ETV5: variants seen among roughly 807,000 people sequenced by gnomAD.
The protein encoded by ETV5 is ETS translocation variant 5.
ETV5 carries 10 observed loss-of-function variants against 70.0 expected under a neutral mutation model. That is an observed-to-expected ratio of 0.14 (90% CI 0.09 to 0.24). The LOEUF (loss-of-function observed/expected upper bound fraction) is 0.24, where lower values mean the gene tolerates loss of function less well. Ranked by LOEUF, ETV5 falls within the 10% of genes least tolerant of loss-of-function variation. The pLI is 1.00. For missense variants in ETV5, 453 were observed against 651.2 expected, an observed-to-expected ratio of 0.70 and a Z score of 3.31; for synonymous variants, 216 against 242.2, an observed-to-expected ratio of 0.89 and a Z score of 1.01.
rs1713049923 is a variant in ETV5, at chr3:186,052,237, T to A, written c.1210-106A>T. The A allele has an allele frequency of 1.0e-6, 1 of 995,176 alleles. No individual in the cohort carries two copies. The highest frequency in any genetic ancestry group is 1.3e-5 in the South Asian group (1 of 74,642). 61.6% of individuals were successfully genotyped at this position (995,176 alleles called of 1,614,324 possible). On this transcript the variant is annotated intron_variant, in intron 11 of 12. Coordinates refer to ENST00000306376, the MANE Select transcript of ETV5 (RefSeq NM_004454.3). The surrounding 1 kb of genome is among the most constrained non-coding windows in gnomAD (Gnocchi z 4.5). ...TCTGTAACCTGACTGCTTTGGTCAATGATCTGCTACTCTGACCTGGAAGGG... is the reference window on the plus strand; with the variant it reads ...TCTGTAACCTGACTGCTTTGGTCAAAGATCTGCTACTCTGACCTGGAAGGG...
chr3:186,053,626 C>T (rs976863873), intron 11 of ETV5, among the ~76,000 whole-genome samples: 8 of 152,252 alleles, frequency 5.3e-5, no homozygotes, highest in Middle Eastern at 3.4e-3. Flanking sequence ...TTGCAAGAAA[C>T]CCTGTGAAAG....
rs900462468 is a variant in ETV5, at chr3:186,109,044, C to A, written c.-179G>T. 6.6e-6 allele frequency: 1 copy of A among 152,598 alleles called. No individual in the cohort carries two copies. The highest frequency in any genetic ancestry group is 6.5e-5 in the Admixed American group (1 of 15,286). 9.5% of individuals were successfully genotyped at this position (152,598 alleles called of 1,614,324 possible). ...GCCTGGGCGAAAGGCTGGGCCGAAC[C>A]GCTCCGAAGACGGTGAACCGCTCCG... On this transcript the variant is annotated 5_prime_UTR_variant, in exon 1 of 13. Coordinates refer to ENST00000306376, the MANE Select transcript of ETV5 (RefSeq NM_004454.3).
intron 8 of ETV5, 199 bp from the exon 9 acceptor site, chr3:186,064,675 G>C (rs547173665): frequency 5.3e-6 from 3 of 568,192 alleles, no homozygotes; most frequent in Non-Finnish European, 9.4e-6. Context: ...TGAAAGGCAG[G>C]CTCTCCTAAT....
chr3:186,104,742 C>CTTT (rs869046424), intron 5 of ETV5, among the ~76,000 whole-genome samples: 20 of 136,774 alleles, frequency 1.5e-4, no homozygotes, highest in African/African-American at 4.9e-4. Context: ...TTGCAATATT[C>CTTT]TTTTTTTTTT....
At chr3:186,053,544 A>G (rs1713085304) in intron 11 of ETV5, among the ~76,000 whole-genome samples, 1 of 152,254 alleles carries the variant, frequency 6.6e-6, no homozygotes, top group South Asian at 2.1e-4. Flanking sequence ...ATGACCTTTC[A>G]TAAAAGCCAA....
intron 9 of ETV5, among the ~76,000 whole-genome samples, chr3:186,063,284 C>A (rs1458684414): frequency 5.3e-5 from 8 of 151,848 alleles, no homozygotes; most frequent in Admixed American, 6.6e-5. Flanking sequence ...ACAACAACAA[C>A]AAAAAAAGAT....
chr3:186,064,323 A>C (rs572163804), intron 9 of ETV5, 94 bp downstream of exon 9: 3 of 1,185,148 alleles, frequency 2.5e-6, no homozygotes, highest in Non-Finnish European at 3.8e-6. Flanking sequence ...AAGAAAGAGG[A>C]AGGAAGGAAG....
intron 5 of ETV5, among the ~76,000 whole-genome samples, chr3:186,087,261 T>C (rs536704534): frequency 7.9e-5 from 12 of 152,292 alleles, no homozygotes; most frequent in Admixed American, 2.6e-4. Flanking sequence ...GTACATGCCA[T>C]GTAAGTCCAT....
At chr3:186,096,434 G>T (rs1029660226) in intron 5 of ETV5, among the ~76,000 whole-genome samples, 1 of 152,174 alleles carries the variant, frequency 6.6e-6, no homozygotes, top group African/African-American at 2.4e-5. Flanking sequence ...GCACTCAGCT[G>T]AAAGTGTTTA....
At chr3:186,067,929 GA>G (rs1212068902) in intron 7 of ETV5, among the ~76,000 whole-genome samples, 6 of 152,076 alleles carry the variant, frequency 3.9e-5, no homozygotes, top group Admixed American at 1.3e-4. Flanking sequence ...ATTAACAAAA[GA>G]TGAATATCTC....
chr3:186,081,235 A>G (rs112478597), intron 5 of ETV5, 60 bp from the exon 6 acceptor site: 214 of 1,512,094 alleles, frequency 1.4e-4, no homozygotes, highest in Admixed American at 2.2e-4. Context: ...AACAGGGAGC[A>G]CAATGCTTCC....
intron 5 of ETV5, among the ~76,000 whole-genome samples, chr3:186,087,316 A>C (rs1315418482): frequency 6.6e-6 from 1 of 152,222 alleles, no homozygotes; most frequent in Non-Finnish European, 1.5e-5. Context: ...ATGGTGTTTG[A>C]AAGTCAGGAG....
In ETV5 at chr3:186,109,012, C is replaced by A. The variant is rs1714672337; in HGVS notation, c.-147G>T. The A allele has an allele frequency of 6.5e-6, 1 of 153,502 alleles. No individual in the cohort carries two copies. The highest frequency in any genetic ancestry group is 1.9e-4 in the East Asian group (1 of 5,178). 9.5% of individuals were successfully genotyped at this position (153,502 alleles called of 1,614,324 possible). A position where few individuals can be genotyped will look rare whatever the true frequency, so the allele number is the denominator to read the frequency against. On this transcript the variant is annotated 5_prime_UTR_variant, in exon 1 of 13. Coordinates refer to ENST00000306376, the MANE Select transcript of ETV5 (RefSeq NM_004454.3). ...CGCGCTCACGCACGCGCGCAGCGGGCCTGGGCGCCTGGGCGAAAGGCTGGG... is the reference window on the plus strand; with the variant it reads ...CGCGCTCACGCACGCGCGCAGCGGGACTGGGCGCCTGGGCGAAAGGCTGGG...
chr3:186,066,495 T>C (rs1713449702), intron 7 of ETV5, among the ~76,000 whole-genome samples: 1 of 151,976 alleles, frequency 6.6e-6, no homozygotes, highest in African/African-American at 2.4e-5. Context: ...ATTAACCAGT[T>C]AGAAAATGTA....
Position 186,054,478 on chromosome 3 carries a change from A to T in ETV5, c.1210-2347T>A, listed in dbSNP as rs562935906. Among the ~76,000 whole-genome samples, 98 of 152,274 alleles carry T rather than the reference A, an allele frequency of 6.4e-4. 1 individual carries two copies. The highest frequency in any genetic ancestry group is 2.3e-3 in the African/African-American group (94 of 41,574). ...TACCCCCCAAAATATTCATTAATGC[A>T]GATTCACAGTTAAAATGGCTCCAGA... is the stretch of plus-strand genomic sequence containing the variant. On this transcript the variant is annotated intron_variant, in intron 11 of 12. Transcript: ENST00000306376. This position sits in a 1 kb window ranked among gnomAD's most constrained non-coding sequence, Gnocchi z 4.4.
intron 9 of ETV5, among the ~76,000 whole-genome samples, chr3:186,058,146 C>T (rs1160744885): frequency 6.6e-6 from 1 of 151,890 alleles, no homozygotes; most frequent in Non-Finnish European, 1.5e-5. Context: ...ACTGGCCCAA[C>T]AACACATGCA....
Position 186,066,032 on chromosome 3 carries a change from G to A in ETV5, c.691C>T (p.Pro231Ser). 6.2e-7 allele frequency: 1 copy of A among 1,609,426 alleles called. No homozygotes were observed. The highest frequency in any genetic ancestry group is 8.5e-7 in the Non-Finnish European group (1 of 1,177,820). ...TTATCTCCAGGAACTCCTGGCTGAG[G>A]AGGGAAGGGGTGGCAGGGTTCAGAC... Reference protein sequence around the residue: ...QLSEPCHPFPPQPGVPGDNRP... With the variant: ...QLSEPCHPFPSQPGVPGDNRP... The change falls in exon 8 of 13, where the codon CCT (proline) becomes TCT (serine). Residue 231 changes from proline to serine, a missense_variant. Pro to Ser is a moderately conservative substitution (Grantham distance 74, BLOSUM62 -1). Coordinates refer to ENST00000306376, the MANE Select transcript of ETV5 (RefSeq NM_004454.3).
chr3:186,076,122 A>G (rs1404638446), intron 7 of ETV5, among the ~76,000 whole-genome samples: 1 of 152,198 alleles, frequency 6.6e-6, no homozygotes, highest in South Asian at 2.1e-4. Flanking sequence ...TAAGTGGCAC[A>G]TGTCTGAACA....
Position 186,105,911 on chromosome 3 carries a change from A to G in ETV5, c.-43T>C. The G allele has an allele frequency of 6.2e-7, 1 of 1,608,254 alleles. No homozygotes were observed. The highest frequency in any genetic ancestry group is 2.2e-5 in the East Asian group (1 of 44,808). ...TAATACCACTTTGAGAGGTTTCAGC[A>G]TTGAGTAATTTCTGGGGGAAAAGGG... On this transcript the variant is annotated 5_prime_UTR_variant, in exon 2 of 13. An upstream start codon of the reference 5' UTR is lost. Transcript: ENST00000306376. This position sits in a 1 kb window ranked among gnomAD's most constrained non-coding sequence, Gnocchi z 4.5.
Sources: gnomAD v4.1 joint callset for allele counts (sites outside exome capture counted in the v4.1 genomes callset) on GRCh38, gnomAD v4.1.1 for gene constraint, Gnocchi (gnomAD v3.1) non-coding constraint, MANE v1.5 for transcripts, NCBI Gene and HGNC (gene_info 2026-07-23, HGNC 2026-07-21) for gene names.